DLGAP2: variants seen among roughly 807,000 people sequenced by gnomAD.
DLGAP2 encodes the protein DLG associated protein 2.
In DLGAP2, 26 loss-of-function variants were observed where a neutral mutation model predicts 100.3. The observed-to-expected ratio is 0.26, with a 90% CI of 0.19 to 0.36. The LOEUF (loss-of-function observed/expected upper bound fraction) is 0.36. DLGAP2 is among the 10% of genes least tolerant of loss of function. The probability of loss-of-function intolerance (pLI) is 1.00; values close to 1 mark genes in which losing one functional copy is unlikely to be tolerated. For missense variants in DLGAP2, 1,858 were observed against 1,453.2 expected, an observed-to-expected ratio of 1.28 and a Z score of -4.53; for synonymous variants, 886 against 630.1, an observed-to-expected ratio of 1.41 and a Z score of -6.08.
intron 1 of DLGAP2, among the ~76,000 whole-genome samples, chr8:808,747 C>G (rs943641586): frequency 1.3e-5 from 2 of 152,210 alleles, no homozygotes; most frequent in Admixed American, 6.5e-5. Context: ...CCACCTCACG[C>G]TTGTGGGAGG....
chr8:1,178,296 C>G (rs1282724358), intron 2 of DLGAP2, among the ~76,000 whole-genome samples: 1 of 152,188 alleles, frequency 6.6e-6, no homozygotes, highest in Non-Finnish European at 1.5e-5. Context: ...TTGTTCTTTT[C>G]TCATTTGGGC....
At chr8:893,473 T>G (rs1798077878) in intron 1 of DLGAP2, among the ~76,000 whole-genome samples, 1 of 152,182 alleles carries the variant, frequency 6.6e-6, no homozygotes, top group Non-Finnish European at 1.5e-5. Flanking sequence ...GGAGCAAATA[T>G]GCACCCTTGT....
chr8:1,524,808 G>T (rs553767227), intron 4 of DLGAP2, among the ~76,000 whole-genome samples: 20 of 152,066 alleles, frequency 1.3e-4, no homozygotes, highest in African/African-American at 4.8e-4. Context: ...AACATCTCAG[G>T]TCCTTCCGTC....
In DLGAP2 at chr8:1,668,600, G is replaced by T; in HGVS notation, c.2082G>T (p.Val694=). The T allele has an allele frequency of 6.3e-7, 1 of 1,599,626 alleles. No homozygotes were observed. Among genetic ancestry groups the T allele is most frequent in the Admixed American group, 1.7e-5 (1 of 58,280 alleles). ...RHLPESQSSS[V]RTSDKAILVS... is the part of the protein sequence containing the mutation. ...TGCCAGAGAGCCAGAGCAGCTCTGTGCGGACCAGCGACAAGGCCATCCTGG... is the reference window on the plus strand; with the variant it reads ...TGCCAGAGAGCCAGAGCAGCTCTGTTCGGACCAGCGACAAGGCCATCCTGG... Residue 694 remains valine (V), a synonymous_variant, in exon 9 of 15, where the codon GTG becomes GTT. Transcript: ENST00000637795.
chr8:1,080,420 A>T (rs188446833), intron 2 of DLGAP2, among the ~76,000 whole-genome samples: 1 of 152,326 alleles, frequency 6.6e-6, no homozygotes, highest in East Asian at 1.9e-4. Flanking sequence ...ACACTTAGAA[A>T]ATCGCCATCA....
In DLGAP2 at chr8:998,838, A is replaced by G. The variant is rs141296098; in HGVS notation, c.73+90872A>G. 1.7e-3 allele frequency among the ~76,000 whole-genome samples: 260 copies of G among 152,196 alleles called. 1 individual carries two copies. Among genetic ancestry groups the G allele is most frequent in the Non-Finnish European group, 2.9e-3 (198 of 68,012 alleles). Reference sequence around the variant, plus strand: ...CATAACAGCAGTCTTTATACTGTGTATATTTTGGGGGAACTGGAATGTGTT... The same window carrying G: ...CATAACAGCAGTCTTTATACTGTGTGTATTTTGGGGGAACTGGAATGTGTT... On this transcript the variant is annotated intron_variant, in intron 2 of 14. Coordinates refer to ENST00000637795, the MANE Select transcript of DLGAP2 (RefSeq NM_001346810.2).
At chr8:1,186,725 G>A (rs1797513049) in intron 2 of DLGAP2, among the ~76,000 whole-genome samples, 1 of 152,178 alleles carries the variant, frequency 6.6e-6, no homozygotes, top group Admixed American at 6.5e-5. Context: ...GTGAATATCT[G>A]TGGGATAATT....
chr8:1,496,367 C>T (rs995847768), intron 3 of DLGAP2, among the ~76,000 whole-genome samples: 21 of 152,130 alleles, frequency 1.4e-4, no homozygotes, highest in Non-Finnish European at 1.6e-4. Context: ...CCTCTGTCCT[C>T]TGAGTATGCG....
intron 2 of DLGAP2, among the ~76,000 whole-genome samples, chr8:958,170 A>G (rs556869717): frequency 6.6e-6 from 1 of 152,310 alleles, no homozygotes; most frequent in South Asian, 2.1e-4. Flanking sequence ...TTCAGTTAGC[A>G]TGATGTTTTC....
intron 5 of DLGAP2, among the ~76,000 whole-genome samples, chr8:1,551,187 G>A (rs988928309): frequency 2.0e-5 from 3 of 152,250 alleles, no homozygotes; most frequent in Non-Finnish European, 4.4e-5. Flanking sequence ...TATAGCAATG[G>A]AAGAGGCATA....
At chr8:1,306,091 A>G (rs1997553) in intron 3 of DLGAP2, among the ~76,000 whole-genome samples, 74,372 of 131,354 alleles carry the variant, frequency 0.57, 19,993 homozygotes, top group African/African-American at 0.65. Flanking sequence ...AAAAAAAAAA[A>G]AGAGAGAGGG....
intron 7 of DLGAP2, among the ~76,000 whole-genome samples, chr8:1,632,257 C>T (rs983340665): frequency 1.3e-5 from 2 of 152,164 alleles, no homozygotes; most frequent in African/African-American, 2.4e-5. Flanking sequence ...CATCTGGACT[C>T]AGATATATGC....
At position 1,676,593 on chromosome 8, in the gene DLGAP2, G is replaced by A. The variant is rs1262675720; in HGVS notation, c.2263G>A (p.Gly755Arg). Residue 755 changes from glycine to arginine, a missense_variant, in exon 11 of 15, where the codon GGG becomes AGG. Coordinates refer to ENST00000637795, the MANE Select transcript of DLGAP2 (RefSeq NM_001346810.2). ...CGGTCTGCGGGAATACCACTCTGTC[G>A]GGGTGCAAGTGGAAGATGAGAAGCG... ...SRGLREYHSV[G>R]VQVEDEKRHG... is the part of the protein sequence containing the mutation. The A allele has an allele frequency of 1.9e-6, 3 of 1,613,192 alleles. No individual in the cohort carries two copies. The highest frequency in any genetic ancestry group is 2.5e-6 in the Non-Finnish European group (3 of 1,179,636).
chr8:996,079 G>T (rs917000489), intron 2 of DLGAP2, among the ~76,000 whole-genome samples: 6 of 152,134 alleles, frequency 3.9e-5, no homozygotes, highest in African/African-American at 1.4e-4. Context: ...CCACAACACC[G>T]TTTAAAGTAG....
At chr8:1,456,409 T>G (rs1798313865) in intron 3 of DLGAP2, among the ~76,000 whole-genome samples, 1 of 152,212 alleles carries the variant, frequency 6.6e-6, no homozygotes, top group African/African-American at 2.4e-5. Flanking sequence ...CAAAGCATTT[T>G]CAAGGCAATC....
intron 2 of DLGAP2, among the ~76,000 whole-genome samples, chr8:956,104 C>G (rs1799590740): frequency 6.6e-6 from 1 of 152,198 alleles, no homozygotes; most frequent in East Asian, 1.9e-4. Context: ...AATGTTGACA[C>G]TAGTACCAAG....
At chr8:1,272,297 C>T (rs981312911) in intron 3 of DLGAP2, among the ~76,000 whole-genome samples, 1 of 152,042 alleles carries the variant, frequency 6.6e-6, no homozygotes, top group African/African-American at 2.4e-5. Context: ...TGAATGTAGA[C>T]AATGCATAGC....
chr8:1,697,197 G>T lies in DLGAP2; in HGVS notation c.2847G>T (p.Trp949Cys). The change falls in exon 14 of 15, where the codon TGG becomes TGT. Residue 949 changes from tryptophan (W) to cysteine (C), a missense_variant. Trp to Cys is a radical substitution (Grantham distance 215, BLOSUM62 -2). Coordinates refer to ENST00000637795, the MANE Select transcript of DLGAP2 (RefSeq NM_001346810.2). ...CGTCGCAGGACCTGGCCGGCTACTG[G>T]GACATGCTGCAGCTCTCCATTGAGG... is the stretch of plus-strand genomic sequence containing the variant. The part of the protein sequence containing the change: ...RPTSQDLAGY[W>C]DMLQLSIEDV... The T allele has an allele frequency of 6.2e-7, 1 of 1,609,736 alleles. No homozygotes were observed. The highest frequency in any genetic ancestry group is 1.3e-5 in the African/African-American group (1 of 74,944).
At chr8:937,224 G>T (rs1208066777) in intron 2 of DLGAP2, among the ~76,000 whole-genome samples, 2 of 152,158 alleles carry the variant, frequency 1.3e-5, no homozygotes, top group Non-Finnish European at 2.9e-5. Flanking sequence ...GGATCTCTCA[G>T]CTGTGAGTCC....
Sources: gnomAD v4.1 joint callset for allele counts (sites outside exome capture counted in the v4.1 genomes callset) on GRCh38, gnomAD v4.1.1 for gene constraint, MANE v1.5 for transcripts, NCBI Gene and HGNC (gene_info 2026-07-23, HGNC 2026-07-21) for gene names.